DCC: variants seen among roughly 807,000 people sequenced by gnomAD.
DCC encodes the protein netrin receptor DCC.
In DCC, 58 loss-of-function variants were observed where a neutral mutation model predicts 172.5. The observed-to-expected ratio is 0.34, with a 90% CI of 0.27 to 0.42. The LOEUF is 0.42. DCC is among the 10% of genes least tolerant of loss of function. The probability of loss-of-function intolerance (pLI) is 1.00; values close to 1 mark genes in which losing one functional copy is unlikely to be tolerated. For synonymous variants in DCC, 709 were observed against 644.5 expected (o/e 1.10, Z -1.52); for missense variants, 1,740 against 1,791.0 (o/e 0.97, Z 0.51).
intron 2 of DCC, among the ~76,000 whole-genome samples, chr18:52,790,110 T>C (rs9958738): frequency 0.043 from 6,551 of 152,186 alleles, 222 homozygotes; most frequent in South Asian, 0.16. Flanking sequence ...CACAGGAAGA[T>C]ACCCACCACT....
chr18:52,971,768 G>A (rs1447548597), intron 5 of DCC, among the ~76,000 whole-genome samples: 3 of 152,116 alleles, frequency 2.0e-5, no homozygotes, highest in Non-Finnish European at 4.4e-5. Flanking sequence ...AACCTCCTAA[G>A]GCAGAGAGAA....
chr18:52,749,391 C>T (rs1318287837), intron 1 of DCC, among the ~76,000 whole-genome samples: 1 of 152,050 alleles, frequency 6.6e-6, no homozygotes, highest in Non-Finnish European at 1.5e-5. Flanking sequence ...TTGTCTGCCT[C>T]CTGCCACTGT....
intron 5 of DCC, among the ~76,000 whole-genome samples, chr18:53,018,575 C>T (rs950566975): frequency 2.0e-5 from 3 of 152,050 alleles, no homozygotes; most frequent in African/African-American, 7.2e-5. Flanking sequence ...TGTACATGTC[C>T]TTTCTCTATC....
At chr18:53,397,256 C>G in intron 17 of DCC, 52 bp from the exon 18 acceptor site, 1 of 1,544,446 alleles carries the variant, frequency 6.5e-7, no homozygotes, top group Non-Finnish European at 8.9e-7. Context: ...TCTTGATTTA[C>G]CAAGTTGATA....
intron 12 of DCC, among the ~76,000 whole-genome samples, chr18:53,226,934 G>GTGTGTATATATATATA (rs34949557): frequency 8.8e-5 from 6 of 68,138 alleles, no homozygotes; most frequent in Admixed American, 3.5e-4. Context: ...GTGTGTGTGT[G>GTGTGTATATATATATA]TATATATATA....
At chr18:52,771,374 C>T (rs1480809649) in intron 2 of DCC, among the ~76,000 whole-genome samples, 3 of 152,204 alleles carry the variant, frequency 2.0e-5, no homozygotes, top group Non-Finnish European at 4.4e-5. Context: ...GCCTGAGCCC[C>T]TTACTAGCTG....
At chr18:52,827,690 G>A (rs1294067721) in intron 2 of DCC, among the ~76,000 whole-genome samples, 4 of 152,210 alleles carry the variant, frequency 2.6e-5, no homozygotes, top group South Asian at 2.1e-4. Flanking sequence ...ACTATTTGCA[G>A]ACAATGGCAG....
At chr18:53,362,376 C>T (rs8092188) in intron 15 of DCC, among the ~76,000 whole-genome samples, 146,911 of 152,266 alleles carry the variant, frequency 0.96, 71,109 homozygotes, top group Middle Eastern at 1. Flanking sequence ...GTACATTTTT[C>T]ACTTATCTGA....
chr18:53,358,146 A>G (rs1399930566), intron 15 of DCC, among the ~76,000 whole-genome samples: 1 of 152,146 alleles, frequency 6.6e-6, no homozygotes, highest in Admixed American at 6.6e-5. Flanking sequence ...AATGAATCCA[A>G]AGAAAAATAT....
At chr18:52,643,834 A>G (rs12454254) in intron 1 of DCC, among the ~76,000 whole-genome samples, 4,781 of 152,298 alleles carry the variant, frequency 0.031, 123 homozygotes, top group Admixed American at 0.079. Flanking sequence ...GCCAGGATAA[A>G]ATGACCAACA....
chr18:53,349,310 C>A (rs1292118604), intron 15 of DCC, among the ~76,000 whole-genome samples: 1 of 152,156 alleles, frequency 6.6e-6, no homozygotes, highest in African/African-American at 2.4e-5. Context: ...CATCTGAGAC[C>A]ACCTCAGCCT....
At chr18:53,224,084 A>G (rs552151300) in intron 12 of DCC, among the ~76,000 whole-genome samples, 12 of 152,320 alleles carry the variant, frequency 7.9e-5, no homozygotes, top group South Asian at 2.1e-4. Flanking sequence ...TTATATTCTA[A>G]TACATGGAAA....
At chr18:53,028,153 G>T (rs538243741) in intron 5 of DCC, among the ~76,000 whole-genome samples, 1 of 152,048 alleles carries the variant, frequency 6.6e-6, no homozygotes. Context: ...TGCCTACATG[G>T]GCACGTTCAA....
chr18:52,576,320 C>A (rs1488503651), intron 1 of DCC, among the ~76,000 whole-genome samples: 1 of 152,168 alleles, frequency 6.6e-6, no homozygotes, highest in African/African-American at 2.4e-5. Flanking sequence ...ATTTCCGTAG[C>A]CCTGCTATAA....
chr18:53,261,212 G>A (rs1473931862), intron 12 of DCC, among the ~76,000 whole-genome samples: 1 of 152,084 alleles, frequency 6.6e-6, no homozygotes, highest in African/African-American at 2.4e-5. Context: ...CCACTGTCCT[G>A]CACCCACTGC....
At chr18:53,200,002 C>A in intron 9 of DCC, among the ~76,000 whole-genome samples, 1 of 152,296 alleles carries the variant, frequency 6.6e-6, no homozygotes, top group Middle Eastern at 3.4e-3. Context: ...CAGTTGGAAA[C>A]TTTACACCAA....
chr18:52,703,346 A>G (rs937908673), intron 1 of DCC, among the ~76,000 whole-genome samples: 3 of 152,086 alleles, frequency 2.0e-5, no homozygotes, highest in African/African-American at 7.2e-5. Context: ...GGATGCCTTC[A>G]TTGTCCTTCT....
intron 1 of DCC, among the ~76,000 whole-genome samples, chr18:52,528,679 C>A (rs1475790741): frequency 3.9e-5 from 6 of 152,018 alleles, no homozygotes; most frequent in Non-Finnish European, 8.8e-5. Context: ...CACAACTCTC[C>A]ACACTTCTGC....
In DCC at chr18:52,497,277, AAAAATATAT is replaced by A. The variant is rs1250585317; in HGVS notation, c.91+156401_91+156409del. ...CCCTGTATCAAAAAAAAAAAAAAAAAAAAATATATATATATATATATATATATATATATA... is the reference window on the plus strand; with the variant it reads ...CCCTGTATCAAAAAAAAAAAAAAAAAATATATATATATATATATATATATA... On this transcript the variant is annotated intron_variant, in intron 1 of 28. Transcript: ENST00000442544. Among the ~76,000 whole-genome samples the A allele has an allele frequency of 8.6e-5, 3 of 34,748 alleles. No homozygotes were observed. The East Asian group carries it at 4.1e-3, about 47-fold the overall frequency. 22.8% of individuals were successfully genotyped at this position (34,748 alleles called of 152,430 possible).
Sources: gnomAD v4.1 joint callset for allele counts (sites outside exome capture counted in the v4.1 genomes callset) on GRCh38, gnomAD v4.1.1 for gene constraint, MANE v1.5 for transcripts, NCBI Gene and HGNC (gene_info 2026-07-23, HGNC 2026-07-21) for gene names.